Variants in HSPA12A observed in about 807,000 individuals in gnomAD.
The protein encoded by HSPA12A is heat shock 70 kDa protein 12A.
HSPA12A carries 28 observed loss-of-function variants against 69.2 expected under a neutral mutation model. That is an observed-to-expected ratio of 0.40 (90% confidence interval 0.30 to 0.55). The LOEUF (loss-of-function observed/expected upper bound fraction) is 0.55, where lower values mean the gene tolerates loss of function less well. Ranked by LOEUF, HSPA12A falls within the 20% of genes least tolerant of loss-of-function variation. The pLI, the probability that HSPA12A is intolerant of heterozygous loss-of-function variation, is 0.38. For synonymous variants in HSPA12A, 345 were observed against 370.5 expected (o/e 0.93, Z 0.79); for missense variants, 686 against 900.7 (o/e 0.76, Z 3.05).
intron 1 of HSPA12A, among the ~76,000 whole-genome samples, chr10:116,715,469 T>C (rs1451965632): frequency 6.6e-6 from 1 of 152,232 alleles, no homozygotes; most frequent in Non-Finnish European, 1.5e-5. Context: ...AAAGAGCCCT[T>C]GTCCTCTAGG....
intron 1 of HSPA12A, among the ~76,000 whole-genome samples, chr10:116,742,142 C>T (rs1260859197): frequency 1.3e-5 from 2 of 152,000 alleles, no homozygotes; most frequent in East Asian, 3.9e-4. Flanking sequence ...GAGGCGCCAC[C>T]CGAGGCAGGG....
At chr10:116,779,796 G>T (rs1554891573) in intron 2 of HSPA12A, among the ~76,000 whole-genome samples, 1 of 152,090 alleles carries the variant, frequency 6.6e-6, no homozygotes, top group Non-Finnish European at 1.5e-5. Flanking sequence ...AACAGGGTGG[G>T]TGTGTGTAAA....
At chr10:116,740,670 G>C (rs1483472177) in intron 1 of HSPA12A, among the ~76,000 whole-genome samples, 24 of 3,546 alleles carry the variant, frequency 6.8e-3, no homozygotes, top group African/African-American at 0.015. Flanking sequence ...GTGTGTGTGT[G>C]TGTGTCTGTG....
At chr10:116,806,703 G>GC (rs1486937786) in intron 2 of HSPA12A, among the ~76,000 whole-genome samples, 2 of 152,160 alleles carry the variant, frequency 1.3e-5, no homozygotes, top group Non-Finnish European at 2.9e-5. Flanking sequence ...GTGCTAAGGG[G>GC]CCCTCGTTCC....
chr10:116,679,885 T>C lies in HSPA12A; in HGVS notation c.1028-124A>G, dbSNP rs540763581. On this transcript the variant is annotated intron_variant, in intron 9 of 11. Transcript: ENST00000369209. Reference sequence around the variant, plus strand: ...TTAGCAATGGGACGGCAGCTATAAGTGTTTACTTACACTTCAGAACCCTGC... The same window carrying C: ...TTAGCAATGGGACGGCAGCTATAAGCGTTTACTTACACTTCAGAACCCTGC... 23 of 946,668 alleles carry C rather than the reference T, an allele frequency of 2.4e-5. No homozygotes were observed. In the African/African-American group the frequency reaches 3.0e-4, roughly 12 times the overall value. The allele number at this position is 946,668 out of a possible 1,614,324, so 58.6% of individuals were successfully genotyped here.
chr10:116,849,122 A>C (rs1042480620), intron 1 of HSPA12A, among the ~76,000 whole-genome samples: 1 of 151,624 alleles, frequency 6.6e-6, no homozygotes, highest in Non-Finnish European at 1.5e-5. Flanking sequence ...GAGCTCACTA[A>C]CAGCAGAGAG....
At chr10:116,814,100 G>T (rs978698618) in intron 2 of HSPA12A, among the ~76,000 whole-genome samples, 15 of 152,042 alleles carry the variant, frequency 9.9e-5, no homozygotes, top group Non-Finnish European at 1.5e-4. Context: ...AAAAGACAGA[G>T]AATTTCAGCA....
chr10:116,707,153 G>GCGCA lies in HSPA12A; in HGVS notation c.126+46_126+47insTGCG, dbSNP rs782367871. On this transcript the variant is annotated intron_variant, in intron 2 of 11. Transcript: ENST00000369209. ...CGTGTGCTCATGCGCACCCATGCGC[G>GCGCA]CACACACACACACACACACACACAC... 117 of 583,460 alleles carry GCGCA rather than the reference G, an allele frequency of 2.0e-4. 1 individual carries two copies. Among genetic ancestry groups the GCGCA allele is most frequent in the African/African-American group, 1.2e-3 (48 of 39,312 alleles). The allele number at this position is 583,460 out of a possible 1,614,324, so 36.1% of individuals were successfully genotyped here.
chr10:116,819,242 G>A (rs1845365298), intron 2 of HSPA12A, among the ~76,000 whole-genome samples: 1 of 152,120 alleles, frequency 6.6e-6, no homozygotes, highest in Non-Finnish European at 1.5e-5. Context: ...AAGCCCTTGT[G>A]CCCCTCTCAT....
rs1466297252 is a variant in HSPA12A, at chr10:116,723,689, C to G, written c.41-16404G>C. On this transcript the variant is annotated intron_variant, in intron 1 of 11. Coordinates refer to ENST00000369209, the MANE Select transcript of HSPA12A (RefSeq NM_025015.3). The surrounding 1 kb of genome is among the most constrained non-coding windows in gnomAD (Gnocchi z 4.1). The stretch of plus-strand genomic sequence containing the variant: ...TCCTGAGACCCACTGCGCACACGTG[C>G]TGAGGTTTTAAAACTGAATCTCCAG... 2.0e-5 allele frequency among the ~76,000 whole-genome samples: 3 copies of G among 152,208 alleles called. No homozygotes were observed. Among genetic ancestry groups the G allele is most frequent in the Admixed American group, 1.3e-4 (2 of 15,290 alleles).
At chr10:116,683,752 G>A in intron 7 of HSPA12A, 39 bp downstream of exon 7, 1 of 1,466,628 alleles carries the variant, frequency 6.8e-7, no homozygotes, top group African/African-American at 1.4e-5. Flanking sequence ...GGCTTGGGAA[G>A]GAAGGAGAGC....
intron 2 of HSPA12A, among the ~76,000 whole-genome samples, chr10:116,823,664 C>A (rs1429082197): frequency 6.6e-6 from 1 of 152,156 alleles, no homozygotes; most frequent in Non-Finnish European, 1.5e-5. Context: ...ATAGTCTTTT[C>A]ACTAATGGTG....
At chr10:116,713,726 G>A (rs557680342) in intron 1 of HSPA12A, among the ~76,000 whole-genome samples, 88 of 152,248 alleles carry the variant, frequency 5.8e-4, no homozygotes, top group African/African-American at 2.0e-3. Context: ...GTCTATACAT[G>A]TCCAGGCAAC....
At chr10:116,740,637 C>CGTGTGT (rs60427815) in intron 1 of HSPA12A, among the ~76,000 whole-genome samples, 6 of 137,796 alleles carry the variant, frequency 4.4e-5, no homozygotes, top group African/African-American at 1.7e-4. Context: ...CTCCCAGCAC[C>CGTGTGT]GTGTGTGTGT....
chr10:116,849,285 G>A (rs1439212196), intron 1 of HSPA12A, among the ~76,000 whole-genome samples: 4 of 152,196 alleles, frequency 2.6e-5, no homozygotes, highest in Non-Finnish European at 5.9e-5. Flanking sequence ...CTGGAAAATC[G>A]CCAGGGAAAA....
intron 2 of HSPA12A, chr10:116,834,831 G>T: frequency 1.8e-6 from 1 of 549,848 alleles, no homozygotes; most frequent in Non-Finnish European, 2.7e-6. Context: ...AAGTTTAAAC[G>T]TCCCAGTTTT....
At chr10:116,698,505 C>T (rs1849981493) in intron 5 of HSPA12A, 130 bp downstream of exon 5, 1 of 640,938 alleles carries the variant, frequency 1.6e-6, no homozygotes, top group Non-Finnish European at 2.8e-6. Context: ...TGTGTTGACT[C>T]CAAAGCCCAC....
chr10:116,735,973 G>A (rs1434077485), intron 1 of HSPA12A, among the ~76,000 whole-genome samples: 10 of 152,156 alleles, frequency 6.6e-5, no homozygotes, highest in African/African-American at 2.4e-4. Context: ...TCCAGCCTGG[G>A]TCACAGAGGA....
chr10:116,717,636 G>A (rs1442002244), intron 1 of HSPA12A, among the ~76,000 whole-genome samples: 5 of 151,872 alleles, frequency 3.3e-5, no homozygotes, highest in Admixed American at 6.5e-5. Flanking sequence ...GCAAGCACCC[G>A]ATACATTATG....
Sources: gnomAD v4.1 joint callset for allele counts (sites outside exome capture counted in the v4.1 genomes callset) on GRCh38, gnomAD v4.1.1 for gene constraint, Gnocchi (gnomAD v3.1) non-coding constraint, MANE v1.5 for transcripts, NCBI Gene and HGNC (gene_info 2026-07-23, HGNC 2026-07-21) for gene names.